The following TMEM132C variants were observed in gnomAD, a reference collection of about 807,000 sequenced individuals.
The protein encoded by TMEM132C is transmembrane protein 132C.
In TMEM132C, 29 loss-of-function variants were observed where a neutral mutation model predicts 61.4. The ratio of observed to expected loss-of-function variants is 0.47; its 90% CI spans 0.35 to 0.64. The LOEUF (loss-of-function observed/expected upper bound fraction) is 0.64. Among genes scored for constraint, TMEM132C ranks in the 30% least tolerant of loss-of-function variants. The probability of loss-of-function intolerance (pLI) is 0.00; values close to 1 mark genes in which losing one functional copy is unlikely to be tolerated. For synonymous variants in TMEM132C, 656 were observed against 633.1 expected (o/e 1.04, Z -0.54); for missense variants, 1,408 against 1,476.9 (o/e 0.95, Z 0.76).
intron 4 of TMEM132C, among the ~76,000 whole-genome samples, chr12:128,636,633 C>T (rs546496662): frequency 6.7e-6 from 1 of 149,802 alleles, no homozygotes; most frequent in South Asian, 2.1e-4. Flanking sequence ...TGAGATCCAC[C>T]CCCTTAACAC....
In TMEM132C at chr12:128,415,606, C is replaced by A. The variant is rs1263008773; in HGVS notation, c.960C>A (p.Asp320Glu). The A allele has an allele frequency of 3.9e-6, 6 of 1,531,864 alleles. No homozygotes were observed. The Admixed American group carries it at 1.0e-4, about 26-fold the overall frequency. The allele number at this position is 1,531,864 out of a possible 1,614,324, so 94.9% of individuals were successfully genotyped here. The change falls in exon 2 of 9, where the codon GAC (aspartate) becomes GAA (glutamate). Residue 320 changes from aspartate (D) to glutamate (E), a missense_variant. Asp to Glu is a conservative substitution (Grantham distance 45). Coordinates refer to ENST00000435159, the MANE Select transcript of TMEM132C (RefSeq NM_001136103.3). The surrounding 1 kb of genome is among the most constrained non-coding windows in gnomAD (Gnocchi z 5.8). ...YVTISSNSSVDLFILRAKVKK... is the reference protein window; with the variant it reads ...YVTISSNSSVELFILRAKVKK... ...CCATCTCGAGCAATTCCTCTGTGGA[C>A]CTCTTCATCTTGAGGTAGGTGCCCA...
At chr12:128,491,290 A>G (rs183379859) in intron 2 of TMEM132C, among the ~76,000 whole-genome samples, 2 of 152,306 alleles carry the variant, frequency 1.3e-5, no homozygotes, top group Admixed American at 6.5e-5. Flanking sequence ...TTGAAATACA[A>G]TAGCGTTGAG....
chr12:128,488,844 A>G (rs1409129419), intron 2 of TMEM132C, among the ~76,000 whole-genome samples: 1 of 152,184 alleles, frequency 6.6e-6, no homozygotes, highest in African/African-American at 2.4e-5. Flanking sequence ...AACAAGTTGA[A>G]TGTTTTCAAA....
At chr12:128,489,174 C>T (rs1392434823) in intron 2 of TMEM132C, among the ~76,000 whole-genome samples, 1 of 152,068 alleles carries the variant, frequency 6.6e-6, no homozygotes, top group Middle Eastern at 3.2e-3. Context: ...TCTCCCCTGT[C>T]CACCCCAGTC....
At chr12:128,476,309 C>T (rs1259473153) in intron 2 of TMEM132C, among the ~76,000 whole-genome samples, 4 of 152,168 alleles carry the variant, frequency 2.6e-5, no homozygotes, top group Non-Finnish European at 5.9e-5. Flanking sequence ...GAGACGGTTG[C>T]AGCGTGCACA....
In TMEM132C at chr12:128,707,239, T is replaced by A. The variant is rs1954849254; in HGVS notation, c.*944T>A. On this transcript the variant is annotated 3_prime_UTR_variant, in exon 9 of 9. Transcript: ENST00000435159. ...GTGGCCAGGAGAACAGAGCCCCACC[T>A]GGACCACCTGACCCCTCGGGATTCC... 3 of 152,206 alleles carry A rather than the reference T, an allele frequency of 2.0e-5. No individual in the cohort carries two copies. In the South Asian group the frequency reaches 6.2e-4, roughly 32 times the overall value. The allele number at this position is 152,206 out of a possible 1,614,324, so 9.4% of individuals were successfully genotyped here. A position where few individuals can be genotyped will look rare whatever the true frequency, so the allele number is the denominator to read the frequency against.
intron 2 of TMEM132C, among the ~76,000 whole-genome samples, chr12:128,493,706 T>G (rs950320098): frequency 2.0e-5 from 3 of 152,250 alleles, no homozygotes; most frequent in Non-Finnish European, 2.9e-5. Context: ...ATTTTGTACC[T>G]GAGACTTTGC....
chr12:128,598,726 C>T (rs923075618), intron 3 of TMEM132C, among the ~76,000 whole-genome samples: 4 of 152,094 alleles, frequency 2.6e-5, no homozygotes, highest in African/African-American at 9.7e-5. Flanking sequence ...CCTCTAACCC[C>T]CTGGGTTTAG....
In TMEM132C at chr12:128,705,523, C is replaced by T. The variant is rs1320194509; in HGVS notation, c.2555C>T (p.Ala852Val). Residue 852 changes from alanine to valine, a missense_variant, in exon 9 of 9, where the codon GCT (alanine) becomes GTT (valine). Coordinates refer to ENST00000435159, the MANE Select transcript of TMEM132C (RefSeq NM_001136103.3). ...GSSPVEREEGALRRATTTARS... is the reference protein window; with the variant it reads ...GSSPVEREEGVLRRATTTARS... ...TCTCCCGTGGAGCGTGAGGAAGGGG[C>T]TCTCCGAAGAGCCACTACCACGGCC... is the stretch of plus-strand genomic sequence containing the variant. 1 of 1,550,978 alleles carries T rather than the reference C, an allele frequency of 6.4e-7. No individual in the cohort carries two copies. The highest frequency in any genetic ancestry group is 8.7e-7 in the Non-Finnish European group (1 of 1,146,976).
chr12:128,355,667 CT>C (rs941477111), intron 1 of TMEM132C, among the ~76,000 whole-genome samples: 10 of 152,072 alleles, frequency 6.6e-5, no homozygotes, highest in African/African-American at 2.2e-4. Context: ...GGCACCTCCC[CT>C]GACCCTCTTC....
intron 4 of TMEM132C, among the ~76,000 whole-genome samples, chr12:128,637,234 A>T (rs1308566182): frequency 2.6e-5 from 4 of 152,220 alleles, no homozygotes; most frequent in Non-Finnish European, 5.9e-5. Flanking sequence ...CCCACAGCCT[A>T]CAATCCCCAC....
At chr12:128,599,019 G>A (rs910503643) in intron 3 of TMEM132C, among the ~76,000 whole-genome samples, 5 of 151,814 alleles carry the variant, frequency 3.3e-5, no homozygotes, top group Non-Finnish European at 7.4e-5. Flanking sequence ...AGGCCCTGGT[G>A]GGCAGTTGAC....
chr12:128,502,592 G>A (rs1476263660), intron 2 of TMEM132C, among the ~76,000 whole-genome samples: 1 of 152,076 alleles, frequency 6.6e-6, no homozygotes. Flanking sequence ...ATCTACACCA[G>A]AGTGGATCCA....
chr12:128,331,578 T>C (rs1872667080), intron 1 of TMEM132C, among the ~76,000 whole-genome samples: 6 of 152,234 alleles, frequency 3.9e-5, no homozygotes, highest in Admixed American at 3.9e-4. Flanking sequence ...CCATCCATGT[T>C]GCTACATAAA....
chr12:128,589,555 G>C (rs548767820), intron 3 of TMEM132C, among the ~76,000 whole-genome samples: 2 of 139,376 alleles, frequency 1.4e-5, no homozygotes, highest in Non-Finnish European at 3.0e-5. Flanking sequence ...CGATAGCGTC[G>C]TGACGCATCG....
intron 1 of TMEM132C, among the ~76,000 whole-genome samples, chr12:128,305,777 G>A (rs1339045225): frequency 6.6e-6 from 1 of 152,146 alleles, no homozygotes; most frequent in Non-Finnish European, 1.5e-5. Flanking sequence ...TGGAACACTA[G>A]CTTTATCTGC....
intron 4 of TMEM132C, among the ~76,000 whole-genome samples, chr12:128,658,394 C>T (rs919328128): frequency 6.6e-6 from 1 of 152,260 alleles, no homozygotes; most frequent in African/African-American, 2.4e-5. Context: ...CATGAGCTAT[C>T]TCCCCAGAAC....
intron 1 of TMEM132C, among the ~76,000 whole-genome samples, chr12:128,399,693 T>A (rs1368433931): frequency 1.3e-5 from 2 of 152,058 alleles, no homozygotes; most frequent in East Asian, 3.9e-4. Context: ...AAAGACTTCC[T>A]CTCTATCAGG....
At chr12:128,409,023 C>G (rs892925568) in intron 1 of TMEM132C, among the ~76,000 whole-genome samples, 3 of 152,128 alleles carry the variant, frequency 2.0e-5, no homozygotes, top group Non-Finnish European at 2.9e-5. Context: ...CGTCTCCTCT[C>G]TCAATATACG....
Sources: allele counts gnomAD v4.1 joint callset (sites outside exome capture counted in the v4.1 genomes callset), GRCh38; gene constraint gnomAD v4.1.1; non-coding constraint Gnocchi (gnomAD v3.1); transcripts MANE v1.5; gene names NCBI Gene and HGNC (gene_info 2026-07-23, HGNC 2026-07-21).